Variants in MYH10 observed in about 807,000 individuals in gnomAD.
The protein encoded by MYH10 is myosin heavy chain 10.
MYH10 carries 55 observed loss-of-function variants against 257.8 expected under a neutral mutation model. That is an observed-to-expected ratio of 0.21 (90% CI 0.17 to 0.27). The LOEUF (loss-of-function observed/expected upper bound fraction) is 0.27. MYH10 is among the 10% of genes least tolerant of loss of function. The probability of loss-of-function intolerance (pLI) is 1.00; values close to 1 mark genes in which losing one functional copy is unlikely to be tolerated. For missense variants in MYH10, 1,631 were observed against 2,500.6 expected (o/e 0.65, Z 7.42); for synonymous variants, 854 against 921.7 (o/e 0.93, Z 1.33).
intron 19 of MYH10, 136 bp from the exon 20 acceptor site, chr17:8,519,086 G>C: frequency 1.7e-6 from 1 of 598,666 alleles, no homozygotes. Flanking sequence ...ACATGTTCAA[G>C]AAATGAACTG....
chr17:8,511,814 G>A (rs144620733), intron 24 of MYH10, among the ~76,000 whole-genome samples: 98 of 152,168 alleles, frequency 6.4e-4, no homozygotes, highest in African/African-American at 2.2e-3. Flanking sequence ...GCCTCCACCT[G>A]CTCCCTTCTC....
intron 32 of MYH10, among the ~76,000 whole-genome samples, chr17:8,493,457 G>A (rs1916084929): frequency 6.6e-6 from 1 of 152,008 alleles, no homozygotes; most frequent in South Asian, 2.1e-4. Flanking sequence ...AAACAAATGA[G>A]TCTTAGACTG....
At chr17:8,542,808 G>C (rs906649959) in intron 13 of MYH10, among the ~76,000 whole-genome samples, 2 of 152,164 alleles carry the variant, frequency 1.3e-5, no homozygotes, top group African/African-American at 4.8e-5. Context: ...CATCTTTACT[G>C]CATGGAATTG....
Position 8,537,107 on chromosome 17 carries a change from G to A in MYH10, c.1606-1176C>T, listed in dbSNP as rs184820298. On this transcript the variant is annotated intron_variant, in intron 14 of 42. Transcript: ENST00000360416. ...TCCTTTTTGGAGGTAAATGACACAT[G>A]AAAGCTAAATAAGATATTTAAATAG... 3.2e-3 allele frequency among the ~76,000 whole-genome samples: 486 copies of A among 152,302 alleles called. 3 individuals are homozygous for A. Among genetic ancestry groups the A allele is most frequent in the African/African-American group, 0.011 (465 of 41,550 alleles).
At chr17:8,587,617 C>T (rs1016857742) in intron 4 of MYH10, among the ~76,000 whole-genome samples, 3 of 152,138 alleles carry the variant, frequency 2.0e-5, no homozygotes, top group Non-Finnish European at 4.4e-5. Flanking sequence ...TGTGCCCAGA[C>T]ACCCAACCCC....
chr17:8,572,877 T>C (rs193164549), intron 6 of MYH10, among the ~76,000 whole-genome samples: 167 of 152,218 alleles, frequency 1.1e-3, no homozygotes, highest in African/African-American at 3.9e-3. Context: ...GAAATTAACA[T>C]GAGATAATTT....
In MYH10 at chr17:8,573,971, A is replaced by G. The variant is rs978975959; in HGVS notation, c.663+2672T>C. On this transcript the variant is annotated intron_variant, in intron 6 of 42. Coordinates refer to ENST00000360416, the MANE Select transcript of MYH10 (RefSeq NM_001256012.3). ...TCCTGGTGGCAATGTCAAATGGTGC[A>G]GTCTCTTTAAAAATGTTTAACAGAA... 2.2e-5 allele frequency: 5 copies of G among 229,672 alleles called. No homozygotes were observed. In the Admixed American group the frequency reaches 3.3e-4, roughly 15 times the overall value. The allele number at this position is 229,672 out of a possible 1,614,324, so 14.2% of individuals were successfully genotyped here.
chr17:8,572,160 A>G (rs951551097), intron 6 of MYH10, among the ~76,000 whole-genome samples: 1 of 152,064 alleles, frequency 6.6e-6, no homozygotes, highest in South Asian at 2.1e-4. Flanking sequence ...TCTTACTTTA[A>G]TATTACTTAG....
At chr17:8,546,182 T>C (rs1481835060) in intron 12 of MYH10, among the ~76,000 whole-genome samples, 2 of 151,918 alleles carry the variant, frequency 1.3e-5, no homozygotes, top group Non-Finnish European at 2.9e-5. Flanking sequence ...TCTCAGCCTC[T>C]TGAGTAGCTG....
chr17:8,555,676 A>C (rs1435044664), intron 7 of MYH10, among the ~76,000 whole-genome samples: 5 of 152,232 alleles, frequency 3.3e-5, no homozygotes, highest in African/African-American at 1.2e-4. Context: ...CATGGGCTAA[A>C]ACTATAAAAC....
rs549739782 is a variant in MYH10 at position 8,630,249 on chromosome 17, T to G, written c.-32+405A>C. ...CCGCCGGGACACTAGCCCCTCGACC[T>G]CGCGCCCCCAGGGATCCCACCCACC... On this transcript the variant is annotated intron_variant, in intron 1 of 42. Coordinates refer to ENST00000360416, the MANE Select transcript of MYH10 (RefSeq NM_001256012.3). 6.8e-4 allele frequency among the ~76,000 whole-genome samples: 99 copies of G among 146,380 alleles called. 1 individual carries two copies. Among genetic ancestry groups the G allele is most frequent in the African/African-American group, 2.5e-3 (98 of 39,114 alleles).
intron 2 of MYH10, among the ~76,000 whole-genome samples, chr17:8,613,107 T>C (rs1420922008): frequency 1.3e-5 from 2 of 152,056 alleles, no homozygotes; most frequent in African/African-American, 4.8e-5. Context: ...CCGATGACCT[T>C]CAAGGGAACA....
At chr17:8,539,267 C>T (rs1416376066) in intron 14 of MYH10, among the ~76,000 whole-genome samples, 2 of 152,208 alleles carry the variant, frequency 1.3e-5, no homozygotes, top group East Asian at 1.9e-4. Flanking sequence ...CAAATAACTT[C>T]CCTAAAATAC....
chr17:8,478,191 TGCCCACCAGGAACATGGAACA>T (rs1913021055), intron 41 of MYH10, 126 bp downstream of exon 41: 5 of 676,548 alleles, frequency 7.4e-6, no homozygotes, highest in Non-Finnish European at 1.3e-5. Flanking sequence ...GTACTGGGAG[TGCCCACCAGGAACATGGAACA>T]GCCCACGTTA....
At chr17:8,585,201 T>C (rs1597896574) in intron 4 of MYH10, among the ~76,000 whole-genome samples, 1 of 133,114 alleles carries the variant, frequency 7.5e-6, no homozygotes, top group South Asian at 2.7e-4. Context: ...ATATTATATA[T>C]ATATATGTGT....
intron 35 of MYH10, among the ~76,000 whole-genome samples, chr17:8,489,697 C>G: frequency 1.7e-5 from 1 of 58,308 alleles, no homozygotes; most frequent in South Asian, 5.3e-4. Context: ...GAGCGAGACT[C>G]CGTCTGAAAA....
At chr17:8,493,680 T>C in intron 32 of MYH10, 53 bp downstream of exon 32, 1 of 1,554,844 alleles carries the variant, frequency 6.4e-7, no homozygotes, top group Non-Finnish European at 8.7e-7. Context: ...AGGGCCAGGA[T>C]CTGCTGAAGG....
At chr17:8,525,772 T>A (rs2151912670) in intron 17 of MYH10, among the ~76,000 whole-genome samples, 1 of 152,288 alleles carries the variant, frequency 6.6e-6, no homozygotes, top group African/African-American at 2.4e-5. Flanking sequence ...TTAAAAAAAA[T>A]AATGCTTTAG....
At position 8,604,914 on chromosome 17, in the gene MYH10, A is replaced by T; in HGVS notation, c.414T>A (p.Ile138=). The part of the protein sequence containing the change: ...YKNLPIYSEN[I]IEMYRGKKRH... Reference sequence around the variant, plus strand: ...GCTTCTTCCCTCTGTACATTTCAATAATATTCTCAGAGTAAATTGGAAGAT... The same window carrying T: ...GCTTCTTCCCTCTGTACATTTCAATTATATTCTCAGAGTAAATTGGAAGAT... The change falls in exon 3 of 43, where the codon ATT becomes ATA. Residue 138 remains isoleucine, a synonymous_variant. Coordinates refer to ENST00000360416, the MANE Select transcript of MYH10 (RefSeq NM_001256012.3). 1 of 1,595,572 alleles carries T rather than the reference A, an allele frequency of 6.3e-7. No homozygotes were observed. The highest frequency in any genetic ancestry group is 8.6e-7 in the Non-Finnish European group (1 of 1,164,952).
Sources: gnomAD v4.1 joint callset for allele counts (sites outside exome capture counted in the v4.1 genomes callset) on GRCh38, gnomAD v4.1.1 for gene constraint, MANE v1.5 for transcripts, NCBI Gene and HGNC (gene_info 2026-07-23, HGNC 2026-07-21) for gene names.